SEPTIN9: variants seen among roughly 807,000 people sequenced by gnomAD.
The protein encoded by SEPTIN9 is septin-9.
SEPTIN9 carries 13 observed loss-of-function variants against 56.6 expected under a neutral mutation model. The ratio of observed to expected loss-of-function variants is 0.23; its 90% CI spans 0.15 to 0.37. The LOEUF is 0.37. Ranked by LOEUF, SEPTIN9 falls within the 10% of genes least tolerant of loss-of-function variation. The pLI, the probability that SEPTIN9 is intolerant of heterozygous loss-of-function variation, is 1.00. For missense variants in SEPTIN9, 650 were observed against 823.1 expected (o/e 0.79, Z 2.57); for synonymous variants, 332 against 334.1 (o/e 0.99, Z 0.07).
At chr17:77,334,898 A>G (rs971386652) in intron 2 of SEPTIN9, among the ~76,000 whole-genome samples, 1 of 152,180 alleles carries the variant, frequency 6.6e-6, no homozygotes, top group Non-Finnish European at 1.5e-5. Context: ...ACCTTACTCT[A>G]TTGAATTACC....
rs1182434014 is a variant in SEPTIN9, at chr17:77,469,873, C to A, written c.722-12271C>A. ...TCCACTCATTCACCCATCCACTCAT[C>A]CACCTATCTACAGTCATTCACTCAT... On this transcript the variant is annotated intron_variant, in intron 3 of 11. Coordinates refer to ENST00000427177, the MANE Select transcript of SEPTIN9 (RefSeq NM_001113491.2). 2.7e-5 allele frequency among the ~76,000 whole-genome samples: 4 copies of A among 149,536 alleles called. No homozygotes were observed. In the East Asian group the frequency reaches 6.0e-4, roughly 22 times the overall value.
At chr17:77,380,743 C>T (rs1408789121) in intron 2 of SEPTIN9, among the ~76,000 whole-genome samples, 1 of 152,164 alleles carries the variant, frequency 6.6e-6, no homozygotes, top group Non-Finnish European at 1.5e-5. Flanking sequence ...AGGTTGCCTC[C>T]AGGTGTACAG....
chr17:77,410,834 G>A lies in SEPTIN9; in HGVS notation c.721+8131G>A, dbSNP rs192630587. The stretch of plus-strand genomic sequence containing the variant: ...GGTTCCAGGCCGGTGGTGTCGCCCC[G>A]TGTCTCTCTCACCCGCAAGCTGGTG... On this transcript the variant is annotated intron_variant, in intron 3 of 11. Transcript: ENST00000427177. Among the ~76,000 whole-genome samples the A allele has an allele frequency of 5.3e-3, 809 of 152,214 alleles. 5 individuals carry two copies. Among genetic ancestry groups the A allele is most frequent in the Middle Eastern group, 0.02 (6 of 294 alleles).
rs187407561 is a variant in SEPTIN9 at position 77,463,550 on chromosome 17, T to A, written c.722-18594T>A. 3.9e-3 allele frequency among the ~76,000 whole-genome samples: 591 copies of A among 152,128 alleles called. 26 individuals are homozygous for A. The South Asian group carries it at 0.095, about 25-fold the overall frequency. ...TAGTGGTATTTCCTTTAAAAAAAAA[T>A]GGTAATTCTCAGCTGGGTGTGGTGG... is the stretch of plus-strand genomic sequence containing the variant. On this transcript the variant is annotated intron_variant, in intron 3 of 11. Coordinates refer to ENST00000427177, the MANE Select transcript of SEPTIN9 (RefSeq NM_001113491.2).
chr17:77,359,886 TG>T (rs1465717946), intron 2 of SEPTIN9, among the ~76,000 whole-genome samples: 1 of 151,374 alleles, frequency 6.6e-6, no homozygotes, highest in Non-Finnish European at 1.5e-5. Context: ...CAAACCCGGG[TG>T]GGCGCAGTGG....
At position 77,335,282 on chromosome 17, in the gene SEPTIN9, G is replaced by C. The variant is rs71384164; in HGVS notation, c.76+28085G>C. On this transcript the variant is annotated intron_variant, in intron 2 of 11. Coordinates refer to ENST00000427177, the MANE Select transcript of SEPTIN9 (RefSeq NM_001113491.2). ...TAGGCCCCGTGTTGACTGTATATGT[G>C]GTCCTGTATTAGTATATGTACATAT... Among the ~76,000 whole-genome samples the C allele has an allele frequency of 2.8e-3, 422 of 149,196 alleles. 4 individuals are homozygous for C. Among genetic ancestry groups the C allele is most frequent in the South Asian group, 0.022 (105 of 4,674 alleles).
At chr17:77,332,129 T>A (rs1044049561) in intron 2 of SEPTIN9, among the ~76,000 whole-genome samples, 15 of 151,976 alleles carry the variant, frequency 9.9e-5, no homozygotes, top group Non-Finnish European at 1.9e-4. Context: ...TACAAAAAAT[T>A]AGTCAGGCAT....
chr17:77,460,902 G>T (rs573264233), intron 3 of SEPTIN9, among the ~76,000 whole-genome samples: 1 of 152,284 alleles, frequency 6.6e-6, no homozygotes, highest in East Asian at 1.9e-4. Context: ...TGTTTCTGTT[G>T]CCATCCCCCA....
At chr17:77,320,065 C>A in intron 2 of SEPTIN9, 1 of 1,415,048 alleles carries the variant, frequency 7.1e-7, no homozygotes, top group Non-Finnish European at 9.2e-7. Flanking sequence ...CTCTCCTTTG[C>A]TCCCTTTTTC....
chr17:77,306,999 C>T (rs2032294452), intron 1 of SEPTIN9, 142 bp from the exon 2 acceptor site: 1 of 828,292 alleles, frequency 1.2e-6, no homozygotes, highest in South Asian at 1.4e-5. Flanking sequence ...GGAGTAGGGC[C>T]TCTGTCCCCA....
intron 2 of SEPTIN9, among the ~76,000 whole-genome samples, chr17:77,334,503 A>G (rs1317432778): frequency 2.0e-5 from 3 of 151,212 alleles, no homozygotes; most frequent in African/African-American, 4.9e-5. Context: ...TATATGTATC[A>G]TAAGTTTTTT....
rs1379782875 is a variant in SEPTIN9, at chr17:77,326,242, C to G, written c.76+19045C>G. ...TTCATTCATTCAGCATTGGGTGCTCCCTGTGGACTTGGCGCTGGGGTCCCG... is the reference window on the plus strand; with the variant it reads ...TTCATTCATTCAGCATTGGGTGCTCGCTGTGGACTTGGCGCTGGGGTCCCG... On this transcript the variant is annotated intron_variant, in intron 2 of 11. Coordinates refer to ENST00000427177, the MANE Select transcript of SEPTIN9 (RefSeq NM_001113491.2). The surrounding 1 kb of genome is among the most constrained non-coding windows in gnomAD (Gnocchi z 5.1). Among the ~76,000 whole-genome samples the G allele has an allele frequency of 1.1e-4, 16 of 152,236 alleles. No individual in the cohort carries two copies. The highest frequency in any genetic ancestry group is 1.0e-3 in the Admixed American group (16 of 15,276).
Position 77,484,212 on chromosome 17 carries a change from C to T in SEPTIN9, c.913+1877C>T, listed in dbSNP as rs537498652. On this transcript the variant is annotated intron_variant, in intron 4 of 11. Coordinates refer to ENST00000427177, the MANE Select transcript of SEPTIN9 (RefSeq NM_001113491.2). ...ATGAGGATGATGGGGGTGGTAATGA[C>T]GGTGATGATGATGGGGTGATGGTGC... is the stretch of plus-strand genomic sequence containing the variant. The T allele has an allele frequency of 1.3e-4, 17 of 135,758 alleles. No homozygotes were observed. The South Asian group carries it at 2.1e-3, about 17-fold the overall frequency. 8.4% of individuals were successfully genotyped at this position (135,758 alleles called of 1,614,324 possible).
chr17:77,340,100 A>T lies in SEPTIN9; in HGVS notation c.76+32903A>T, dbSNP rs370962777. ...TGCCTTGGCCTCCCAAAATGCTGGG[A>T]TTACAGCTGTGAGCCACCGTGCTTG... On this transcript the variant is annotated intron_variant, in intron 2 of 11. Coordinates refer to ENST00000427177, the MANE Select transcript of SEPTIN9 (RefSeq NM_001113491.2). Among the ~76,000 whole-genome samples the T allele has an allele frequency of 2.0e-5, 3 of 151,576 alleles. No individual in the cohort carries two copies. In the East Asian group the frequency reaches 5.8e-4, roughly 29 times the overall value.
chr17:77,459,305 T>C (rs74000248), intron 3 of SEPTIN9, among the ~76,000 whole-genome samples: 1 of 152,342 alleles, frequency 6.6e-6, no homozygotes, highest in African/African-American at 2.4e-5. Flanking sequence ...TCCTGGGGCC[T>C]TGCCCTGGCA....
chr17:77,331,626 G>C, intron 2 of SEPTIN9, among the ~76,000 whole-genome samples: 1 of 152,224 alleles, frequency 6.6e-6, no homozygotes, highest in Non-Finnish European at 1.5e-5. Context: ...GCTCCTGCGG[G>C]GTTTGCATTT....
chr17:77,460,073 AC>A (rs557058772), intron 3 of SEPTIN9, among the ~76,000 whole-genome samples: 164 of 79,094 alleles, frequency 2.1e-3, no homozygotes, highest in Non-Finnish European at 3.0e-3. Context: ...CCCAAGCCCC[AC>A]CCCCCCCAGG....
Position 77,429,162 on chromosome 17 carries a change from C to CCTGAGGCCAAGACCAAGG in SEPTIN9, c.721+26468_721+26485dup, listed in dbSNP as rs1365130270. The CCTGAGGCCAAGACCAAGG allele has an allele frequency of 8.5e-6, 4 of 471,938 alleles. No individual in the cohort carries two copies. The highest frequency in any genetic ancestry group is 1.8e-5 in the Non-Finnish European group (4 of 227,460). The allele number at this position is 471,938 out of a possible 1,614,324, so 29.2% of individuals were successfully genotyped here. Reference sequence around the variant, plus strand: ...GGGACTTGGGGGTGTGTCTGCAGCTCCTGAGGCCAAGACCAAGGCTGAGGC... The same window carrying CCTGAGGCCAAGACCAAGG: ...GGGACTTGGGGGTGTGTCTGCAGCTCCTGAGGCCAAGACCAAGGCTGAGGCCAAGACCAAGGCTGAGGC... On this transcript the variant is annotated intron_variant, in intron 3 of 11. Transcript: ENST00000427177. This position sits in a 1 kb window ranked among gnomAD's most constrained non-coding sequence, Gnocchi z 5.2.
At chr17:77,363,967 G>T (rs2034496095) in intron 2 of SEPTIN9, among the ~76,000 whole-genome samples, 1 of 152,106 alleles carries the variant, frequency 6.6e-6, no homozygotes, top group African/African-American at 2.4e-5. Context: ...ATCGTGGCCA[G>T]TGACTCATGC....
Sources: gnomAD v4.1 joint callset for allele counts (sites outside exome capture counted in the v4.1 genomes callset) on GRCh38, gnomAD v4.1.1 for gene constraint, Gnocchi (gnomAD v3.1) non-coding constraint, MANE v1.5 for transcripts, NCBI Gene and HGNC (gene_info 2026-07-23, HGNC 2026-07-21) for gene names.